Variants in PKHD1 observed in about 807,000 individuals in gnomAD.
The protein encoded by PKHD1 is PKHD1 ciliary IPT domain containing fibrocystin/polyductin.
In PKHD1, 291 loss-of-function variants were observed where a neutral mutation model predicts 412.0. The observed-to-expected ratio is 0.71, with a 90% CI of 0.64 to 0.78. The LOEUF (loss-of-function observed/expected upper bound fraction) is 0.78. Among genes scored for constraint, PKHD1 ranks in the 30% least tolerant of loss-of-function variants. The probability of loss-of-function intolerance (pLI) is 0.00; values close to 1 mark genes in which losing one functional copy is unlikely to be tolerated. For missense variants in PKHD1, 4,825 were observed against 4,950.7 expected, an observed-to-expected ratio of 0.97 and a Z score of 0.76; for synonymous variants, 1,777 against 1,821.5, an observed-to-expected ratio of 0.98 and a Z score of 0.62.
chr6:51,651,605 C>T (rs1179067792), intron 61 of PKHD1, among the ~76,000 whole-genome samples: 1 of 152,110 alleles, frequency 6.6e-6, no homozygotes, highest in African/African-American at 2.4e-5. Context: ...ACTTTCCTTT[C>T]ATGATGGGCT....
chr6:51,661,578 G>T (rs1425066738), intron 60 of PKHD1, among the ~76,000 whole-genome samples: 1 of 152,028 alleles, frequency 6.6e-6, no homozygotes, highest in African/African-American at 2.4e-5. Flanking sequence ...AGTAACTTCG[G>T]AAGTTGTTGA....
At chr6:51,887,068 G>T in intron 44 of PKHD1, 65 bp downstream of exon 44, 2 of 1,005,248 alleles carry the variant, frequency 2.0e-6, no homozygotes, top group Non-Finnish European at 3.2e-6. Context: ...CTCATTGTGA[G>T]CATTCTACAG....
intron 55 of PKHD1, among the ~76,000 whole-genome samples, chr6:51,767,287 G>C (rs2151099300): frequency 6.6e-6 from 1 of 151,092 alleles, no homozygotes; most frequent in African/African-American, 2.4e-5. Context: ...AGTTACATTT[G>C]ATTTATCATA....
chr6:51,651,174 C>T (rs143842141), intron 61 of PKHD1, among the ~76,000 whole-genome samples: 2 of 152,090 alleles, frequency 1.3e-5, no homozygotes, highest in African/African-American at 4.8e-5. Context: ...TTATTGTGAG[C>T]AAACATCTCT....
chr6:51,905,976 C>T (rs925341659), intron 41 of PKHD1, among the ~76,000 whole-genome samples: 42 of 152,220 alleles, frequency 2.8e-4, no homozygotes, highest in Middle Eastern at 3.4e-3. Flanking sequence ...TTAAAACTTC[C>T]CATTATACAC....
intron 52 of PKHD1, among the ~76,000 whole-genome samples, chr6:51,803,955 G>T (rs956436645): frequency 3.3e-5 from 5 of 151,324 alleles, no homozygotes; most frequent in African/African-American, 1.2e-4. Context: ...TGATCTGCCT[G>T]CCTCAGCCTC....
At chr6:51,890,473 G>A (rs1477623484) in intron 43 of PKHD1, among the ~76,000 whole-genome samples, 8 of 151,720 alleles carry the variant, frequency 5.3e-5, no homozygotes, top group East Asian at 1.9e-4. Flanking sequence ...GGACATTCAC[G>A]CAAGGGAAAT....
chr6:51,913,230 T>C (rs1432597375), intron 37 of PKHD1, among the ~76,000 whole-genome samples: 1 of 152,030 alleles, frequency 6.6e-6, no homozygotes, highest in African/African-American at 2.4e-5. Context: ...AAAACAAAAA[T>C]TATCTCTTAG....
At position 51,618,917 on chromosome 6, in the gene PKHD1, G is replaced by A. The variant is rs1766270344; in HGVS notation, c.*164C>T. Reference sequence around the variant, plus strand: ...GTATGAGACATTTTTCAGTCTGTAAGCATTTATATGACTGTTTTCCATTTT... The same window carrying A: ...GTATGAGACATTTTTCAGTCTGTAAACATTTATATGACTGTTTTCCATTTT... On this transcript the variant is annotated 3_prime_UTR_variant, in exon 67 of 67. Transcript: ENST00000371117. 1 of 697,644 alleles carries A rather than the reference G, an allele frequency of 1.4e-6. No homozygotes were observed. The highest frequency in any genetic ancestry group is 2.5e-6 in the Non-Finnish European group (1 of 397,982). The allele number at this position is 697,644 out of a possible 1,614,324, so 43.2% of individuals were successfully genotyped here.
At chr6:51,851,414 A>C (rs1772218252) in intron 49 of PKHD1, among the ~76,000 whole-genome samples, 1 of 152,210 alleles carries the variant, frequency 6.6e-6, no homozygotes, top group Middle Eastern at 3.2e-3. Context: ...GGCTTCATAA[A>C]ATGAGTTAAG....
chr6:51,688,366 T>C (rs1439624711), intron 60 of PKHD1, among the ~76,000 whole-genome samples: 1 of 152,002 alleles, frequency 6.6e-6, no homozygotes, highest in African/African-American at 2.4e-5. Context: ...AAAGTCACCA[T>C]CAAAAACTTA....
intron 36 of PKHD1, among the ~76,000 whole-genome samples, chr6:51,955,862 G>T (rs1428932428): frequency 6.6e-6 from 1 of 151,944 alleles, no homozygotes; most frequent in Non-Finnish European, 1.5e-5. Context: ...CCTGCAGATG[G>T]TATCAGAAAA....
At chr6:51,942,333 T>G (rs1788723820) in intron 36 of PKHD1, among the ~76,000 whole-genome samples, 1 of 151,648 alleles carries the variant, frequency 6.6e-6, no homozygotes, top group Non-Finnish European at 1.5e-5. Context: ...GACCTTACAG[T>G]TTTGCCTAGC....
chr6:51,626,609 T>G (rs1041972174), intron 66 of PKHD1, among the ~76,000 whole-genome samples: 3 of 152,198 alleles, frequency 2.0e-5, no homozygotes, highest in Admixed American at 1.3e-4. Context: ...CTCAATCTAA[T>G]TTGCATAGTT....
chr6:51,983,981 T>C (rs907892979), intron 35 of PKHD1, among the ~76,000 whole-genome samples: 2 of 152,208 alleles, frequency 1.3e-5, no homozygotes, highest in East Asian at 3.8e-4. Flanking sequence ...GTCACACTGT[T>C]CTAATTGTTT....
At chr6:51,858,920 A>T (rs566291771) in intron 48 of PKHD1, among the ~76,000 whole-genome samples, 4 of 152,274 alleles carry the variant, frequency 2.6e-5, no homozygotes, top group Admixed American at 2.0e-4. Flanking sequence ...AAGTTATTAG[A>T]GCTTGATACA....
chr6:51,822,199 C>T (rs1346671129), intron 52 of PKHD1, among the ~76,000 whole-genome samples: 1 of 152,080 alleles, frequency 6.6e-6, no homozygotes, highest in Non-Finnish European at 1.5e-5. Context: ...TTAATTTTAA[C>T]AAAGATATGG....
rs922656529 is a variant in PKHD1, at chr6:51,756,992, G to A, written c.8643-2054C>T. ...GCAACCTAGATCCCTCACATACACA[G>A]TTCACAATAGAGTTTGCATTTTTAT... On this transcript the variant is annotated intron_variant, in intron 55 of 66. Transcript: ENST00000371117. Among the ~76,000 whole-genome samples the A allele has an allele frequency of 2.0e-5, 3 of 152,034 alleles. No individual in the cohort carries two copies. In the South Asian group the frequency reaches 6.2e-4, roughly 32 times the overall value.
intron 5 of PKHD1, among the ~76,000 whole-genome samples, chr6:52,078,424 G>C (rs1811611189): frequency 6.6e-6 from 1 of 152,184 alleles, no homozygotes; most frequent in African/African-American, 2.4e-5. Context: ...CCAGCTGTGT[G>C]ATCAACCTTC....
Sources: allele counts gnomAD v4.1 joint callset (sites outside exome capture counted in the v4.1 genomes callset), GRCh38; gene constraint gnomAD v4.1.1; transcripts MANE v1.5; gene names NCBI Gene and HGNC (gene_info 2026-07-23, HGNC 2026-07-21).